Variants in TPP2 observed in about 807,000 individuals in gnomAD.
TPP2 encodes tripeptidyl-peptidase 2.
Under a neutral mutation model 155.9 loss-of-function variants are expected in TPP2, and 34 were observed. The ratio of observed to expected loss-of-function variants is 0.22; its 90% CI spans 0.17 to 0.29. The LOEUF (loss-of-function observed/expected upper bound fraction) is 0.29. TPP2 is among the 10% of genes least tolerant of loss of function. TPP2 has a pLI of 1.00. For synonymous variants in TPP2, 510 were observed against 529.4 expected, an observed-to-expected ratio of 0.96 and a Z score of 0.50; for missense variants, 1,028 against 1,522.3, an observed-to-expected ratio of 0.68 and a Z score of 5.40.
intron 12 of TPP2, 93 bp downstream of exon 12, chr13:102,635,795 T>G: frequency 1.1e-6 from 1 of 939,766 alleles, no homozygotes; most frequent in Admixed American, 2.2e-5. Flanking sequence ...TAACAGTGAT[T>G]CAGTATATCT....
At chr13:102,637,346 A>G in intron 14 of TPP2, 107 bp downstream of exon 14, 1 of 1,213,304 alleles carries the variant, frequency 8.2e-7, no homozygotes, top group South Asian at 1.6e-5. Flanking sequence ...GCTAAGAAAT[A>G]ACTAGACCTA....
At chr13:102,647,905 AATGAG>A (rs1202678625) in intron 21 of TPP2, among the ~76,000 whole-genome samples, 2 of 152,230 alleles carry the variant, frequency 1.3e-5, no homozygotes, top group African/African-American at 4.8e-5. Context: ...ACTGCAAAGA[AATGAG>A]ATATTTCCTG....
intron 8 of TPP2, among the ~76,000 whole-genome samples, chr13:102,628,136 G>A (rs568172024): frequency 5.3e-4 from 81 of 152,162 alleles, no homozygotes; most frequent in Admixed American, 1.1e-3. Flanking sequence ...CTGTGACGAT[G>A]TTAATGCTGT....
At chr13:102,639,215 A>T (rs2139514759) in intron 15 of TPP2, among the ~76,000 whole-genome samples, 1 of 152,342 alleles carries the variant, frequency 6.6e-6, no homozygotes, top group South Asian at 2.1e-4. Flanking sequence ...GTTATACAGG[A>T]TGTATAAAAT....
At chr13:102,615,061 G>T (rs1880615317) in intron 3 of TPP2, among the ~76,000 whole-genome samples, 1 of 152,094 alleles carries the variant, frequency 6.6e-6, no homozygotes, top group Non-Finnish European at 1.5e-5. Flanking sequence ...AGATGTGTGG[G>T]GCCTTGCCTC....
chr13:102,616,017 C>G (rs907465605), intron 3 of TPP2, among the ~76,000 whole-genome samples: 4 of 151,628 alleles, frequency 2.6e-5, no homozygotes, highest in Non-Finnish European at 5.9e-5. Context: ...AGTGCAGTGG[C>G]TCAATCTCTG....
At chr13:102,675,345 G>T (rs1423428982) in intron 28 of TPP2, among the ~76,000 whole-genome samples, 2 of 152,178 alleles carry the variant, frequency 1.3e-5, no homozygotes, top group East Asian at 1.9e-4. Flanking sequence ...TCAGGAATTT[G>T]AATCTGAAAT....
chr13:102,668,462 G>A (rs1702232227), intron 27 of TPP2, among the ~76,000 whole-genome samples: 1 of 152,128 alleles, frequency 6.6e-6, no homozygotes, highest in Admixed American at 6.6e-5. Flanking sequence ...TTGCATCCTA[G>A]AATTAGTAAA....
intron 5 of TPP2, among the ~76,000 whole-genome samples, chr13:102,621,283 CAT>C (rs1303224020): frequency 6.6e-6 from 1 of 152,166 alleles, no homozygotes; most frequent in Non-Finnish European, 1.5e-5. Context: ...ATTCCTTAAT[CAT>C]GTGGCAGATG....
intron 27 of TPP2, among the ~76,000 whole-genome samples, chr13:102,666,052 A>G (rs1884571400): frequency 6.6e-6 from 1 of 152,256 alleles, no homozygotes; most frequent in Non-Finnish European, 1.5e-5. Flanking sequence ...CAGAAAATAC[A>G]GCCACCATTT....
intron 3 of TPP2, among the ~76,000 whole-genome samples, chr13:102,616,088 C>T (rs1176913967): frequency 6.6e-6 from 1 of 152,074 alleles, no homozygotes; most frequent in African/African-American, 2.4e-5. Context: ...TCCCAAGTAG[C>T]TGGGATTACA....
rs200715494 is a variant in TPP2, at chr13:102,678,793, A to ATTTTTTTTTTTTTTTTTTTTTTTTTT, written c.*501_*502insTTTTTTTTTTTTTTTTTTTTTTTTTT. ...AAACTAACAGAACTTCATTTCCAGA[A>ATTTTTTTTTTTTTTTTTTTTTTTTTT]TTTTTTTTTTTTTTTTTTTTTTTTG... is the stretch of plus-strand genomic sequence containing the variant. On this transcript the variant is annotated 3_prime_UTR_variant, in exon 30 of 30. Transcript: ENST00000376052. 8.2e-6 allele frequency: 1 copy of ATTTTTTTTTTTTTTTTTTTTTTTTTT among 121,538 alleles called. No individual in the cohort carries two copies. The allele number at this position is 121,538 out of a possible 1,614,324, so 7.5% of individuals were successfully genotyped here. A position where few individuals can be genotyped will look rare whatever the true frequency, so the allele number is the denominator to read the frequency against.
chr13:102,597,273 C>A, intron 1 of TPP2, 70 bp downstream of exon 1: 2 of 911,384 alleles, frequency 2.2e-6, no homozygotes, highest in Non-Finnish European at 3.0e-6. Flanking sequence ...GACACAGTCT[C>A]GGAGCCCGGC....
intron 4 of TPP2, 37 bp downstream of exon 4, chr13:102,616,537 G>A: frequency 6.5e-7 from 1 of 1,529,894 alleles, no homozygotes; most frequent in Non-Finnish European, 8.9e-7. Flanking sequence ...CATTACCCTA[G>A]AACCATATTC....
intron 16 of TPP2, among the ~76,000 whole-genome samples, chr13:102,642,064 C>T (rs1291484693): frequency 6.6e-6 from 1 of 152,202 alleles, no homozygotes; most frequent in Non-Finnish European, 1.5e-5. Context: ...CTCTGCCATA[C>T]GCTAATGGTT....
Position 102,604,785 on chromosome 13 carries a change from A to AT in TPP2, c.166-4dup, listed in dbSNP as rs368645570. 9.4e-6 allele frequency: 15 copies of AT among 1,598,898 alleles called. No homozygotes were observed. In the East Asian group the frequency reaches 2.9e-4, roughly 31 times the overall value. ...TACCATTCATATTTTAATTTTCTTA[A>AT]TTTTCAGGTTACAACTGATGGAAAA... On this transcript the variant is annotated splice_region_variant and splice_polypyrimidine_tract_variant and intron_variant, in intron 1 of 29. Coordinates refer to ENST00000376052, the MANE Select transcript of TPP2 (RefSeq NM_001330588.2).
chr13:102,646,178 C>T (rs981650617), intron 19 of TPP2, 116 bp from the exon 20 acceptor site: 4 of 651,664 alleles, frequency 6.1e-6, no homozygotes, highest in African/African-American at 5.6e-5. Context: ...GGATAGCTCT[C>T]AGGAAGGTTC....
At chr13:102,653,610 G>A (rs980090468) in intron 24 of TPP2, among the ~76,000 whole-genome samples, 3 of 151,972 alleles carry the variant, frequency 2.0e-5, no homozygotes, top group African/African-American at 7.3e-5. Context: ...TGCCCAAGGT[G>A]GTCTAAAACT....
At chr13:102,618,444 G>A (rs935913624) in intron 4 of TPP2, among the ~76,000 whole-genome samples, 1 of 152,150 alleles carries the variant, frequency 6.6e-6, no homozygotes, top group Non-Finnish European at 1.5e-5. Context: ...AATCACCAAC[G>A]TGTAGCACAG....
Sources: gnomAD v4.1 joint callset for allele counts (sites outside exome capture counted in the v4.1 genomes callset) on GRCh38, gnomAD v4.1.1 for gene constraint, MANE v1.5 for transcripts, NCBI Gene and HGNC (gene_info 2026-07-23, HGNC 2026-07-21) for gene names.